The following FOXP2 variants were observed in gnomAD, a reference collection of about 807,000 sequenced individuals.
The protein encoded by FOXP2 is forkhead box protein P2.
A neutral mutation model predicts 115.8 loss-of-function variants in FOXP2; 12 were observed. The observed-to-expected ratio is 0.10, with a 90% CI of 0.07 to 0.17. FOXP2 has a LOEUF of 0.17. Ranked by LOEUF, FOXP2 falls within the 10% of genes least tolerant of loss-of-function variation. The pLI is 1.00. For missense variants in FOXP2, 629 were observed against 843.5 expected (o/e 0.75, Z 3.15); for synonymous variants, 328 against 297.7 (o/e 1.10, Z -1.05).
chr7:114,646,818 C>T (rs562693587), intron 8 of FOXP2, among the ~76,000 whole-genome samples: 115 of 151,732 alleles, frequency 7.6e-4, no homozygotes, highest in African/African-American at 2.6e-3. Context: ...GAATTAACTT[C>T]GGTTATTCAA....
chr7:114,336,836 C>T (rs1797864593), intron 2 of FOXP2, among the ~76,000 whole-genome samples: 1 of 151,350 alleles, frequency 6.6e-6, no homozygotes, highest in South Asian at 2.1e-4. Context: ...TTTCCATGTT[C>T]ACTGTATTTC....
Position 114,510,031 on chromosome 7 carries a change from T to A in FOXP2, c.169-24586T>A, listed in dbSNP as rs142768073. Reference sequence around the variant, plus strand: ...GTACACAGTGATAAGAAAAAGGAAATGTAGATGAGAACTGGGAAAAGACTG... The same window carrying A: ...GTACACAGTGATAAGAAAAAGGAAAAGTAGATGAGAACTGGGAAAAGACTG... On this transcript the variant is annotated intron_variant, in intron 2 of 16. Coordinates refer to ENST00000350908, the MANE Select transcript of FOXP2 (RefSeq NM_014491.4). 4.2e-3 allele frequency among the ~76,000 whole-genome samples: 641 copies of A among 152,120 alleles called. 8 individuals are homozygous for A. Among genetic ancestry groups the A allele is most frequent in the African/African-American group, 0.015 (607 of 41,498 alleles).
chr7:114,339,286 T>G (rs186386256), intron 2 of FOXP2, among the ~76,000 whole-genome samples: 130 of 151,300 alleles, frequency 8.6e-4, no homozygotes, highest in Non-Finnish European at 1.8e-3. Context: ...TATATGATAA[T>G]GTGATAAACT....
At position 114,659,545 on chromosome 7, in the gene FOXP2, G is replaced by A. The variant is rs760240135; in HGVS notation, c.1546-27G>A. ...TCTAGTTAGTAAACCATTATTTTATGTCACTATGTATCTTGTCTCATTTCA... is the reference window on the plus strand; with the variant it reads ...TCTAGTTAGTAAACCATTATTTTATATCACTATGTATCTTGTCTCATTTCA... On this transcript the variant is annotated intron_variant, in intron 12 of 16. Coordinates refer to ENST00000350908, the MANE Select transcript of FOXP2 (RefSeq NM_014491.4). 3 of 1,600,432 alleles carry A rather than the reference G, an allele frequency of 1.9e-6. No homozygotes were observed. The East Asian group carries it at 6.7e-5, about 36-fold the overall frequency.
At chr7:114,503,387 A>G (rs1256688235) in intron 2 of FOXP2, among the ~76,000 whole-genome samples, 1 of 151,808 alleles carries the variant, frequency 6.6e-6, no homozygotes, top group Middle Eastern at 3.4e-3. Flanking sequence ...GACCAGTGCT[A>G]TCTAAGGATG....
chr7:114,550,275 G>C (rs1029586758), intron 3 of FOXP2, among the ~76,000 whole-genome samples: 4 of 151,740 alleles, frequency 2.6e-5, no homozygotes, highest in Non-Finnish European at 5.9e-5. Flanking sequence ...CCTCCACCAC[G>C]CCCGGCTAAT....
chr7:114,607,237 T>C (rs1007817108), intron 3 of FOXP2, among the ~76,000 whole-genome samples: 2 of 152,150 alleles, frequency 1.3e-5, no homozygotes, highest in Non-Finnish European at 2.9e-5. Context: ...CCACCAAACC[T>C]GTCTGTTGGG....
At chr7:114,272,840 G>A (rs1386525803) in intron 1 of FOXP2, among the ~76,000 whole-genome samples, 4 of 151,654 alleles carry the variant, frequency 2.6e-5, no homozygotes, top group African/African-American at 7.3e-5. Flanking sequence ...TTTTTCTATG[G>A]AGTCTGGATA....
chr7:114,124,017 A>G (rs1378987398), intron 1 of FOXP2, among the ~76,000 whole-genome samples: 2 of 152,050 alleles, frequency 1.3e-5, no homozygotes, highest in Non-Finnish European at 2.9e-5. Flanking sequence ...TGATATATCA[A>G]AATATTTTTG....
In FOXP2 at chr7:114,629,895, C is replaced by G; in HGVS notation, c.487C>G (p.Gln163Glu). Residue 163 changes from glutamine (Q) to glutamate (E), a missense_variant, in exon 5 of 17, where the codon CAG becomes GAG. Transcript: ENST00000350908. ...GCAGCAACAGCAGCAGCAGCAACAACAGCAGCAACAACAGCAGCAGCAACA... is the reference window on the plus strand; with the variant it reads ...GCAGCAACAGCAGCAGCAGCAACAAGAGCAGCAACAACAGCAGCAGCAACA... ...QQQQQQQQQQ[Q>E]QQQQQQQQQQ... 1 of 1,611,732 alleles carries G rather than the reference C, an allele frequency of 6.2e-7. No homozygotes were observed. Among genetic ancestry groups the G allele is most frequent in the Non-Finnish European group, 8.5e-7 (1 of 1,179,370 alleles).
At chr7:114,380,118 C>T (rs1792251029) in intron 2 of FOXP2, among the ~76,000 whole-genome samples, 1 of 152,164 alleles carries the variant, frequency 6.6e-6, no homozygotes, top group Non-Finnish European at 1.5e-5. Context: ...TTCTATTTCC[C>T]TTTCCTTTCC....
chr7:114,201,714 T>C (rs1375097493), intron 1 of FOXP2, among the ~76,000 whole-genome samples: 3 of 152,186 alleles, frequency 2.0e-5, no homozygotes, highest in African/African-American at 7.2e-5. Flanking sequence ...CCCTAAATGT[T>C]GAAATCATGT....
chr7:114,637,469 T>G (rs1805283383), intron 6 of FOXP2, among the ~76,000 whole-genome samples: 1 of 152,176 alleles, frequency 6.6e-6, no homozygotes, highest in Non-Finnish European at 1.5e-5. Context: ...CATAATAGTC[T>G]AGTCCACAGA....
chr7:114,261,445 T>C (rs1351889216), intron 1 of FOXP2, among the ~76,000 whole-genome samples: 2 of 152,208 alleles, frequency 1.3e-5, no homozygotes, highest in Admixed American at 1.3e-4. Context: ...ATTTTGATTA[T>C]CTAAGGAAAA....
chr7:114,597,193 G>T (rs917421169), intron 3 of FOXP2, among the ~76,000 whole-genome samples: 1 of 152,070 alleles, frequency 6.6e-6, no homozygotes, highest in African/African-American at 2.4e-5. Flanking sequence ...AAATATAAAA[G>T]GTTAGAGTTA....
chr7:114,415,065 G>A lies in FOXP2; in HGVS notation c.-306G>A, dbSNP rs1488932604. 2 of 454,042 alleles carry A rather than the reference G, an allele frequency of 4.4e-6. No homozygotes were observed. The highest frequency in any genetic ancestry group is 4.0e-5 in the African/African-American group (2 of 49,930). The allele number at this position is 454,042 out of a possible 1,614,324, so 28.1% of individuals were successfully genotyped here. A position where few individuals can be genotyped will look rare whatever the true frequency, so the allele number is the denominator to read the frequency against. On this transcript the variant is annotated 5_prime_UTR_variant, in exon 1 of 17. Coordinates refer to ENST00000350908, the MANE Select transcript of FOXP2 (RefSeq NM_014491.4). ...CCTAGTGATTAAATGCTGATTTTGT[G>A]TACGATTGTCCACGGACGCCAAAAC...
At chr7:114,153,984 C>T (rs2129149224) in intron 1 of FOXP2, among the ~76,000 whole-genome samples, 1 of 152,162 alleles carries the variant, frequency 6.6e-6, no homozygotes, top group East Asian at 1.9e-4. Flanking sequence ...GAGATAAGAC[C>T]AGTGAACAAT....
chr7:114,520,095 A>C (rs891986902), intron 2 of FOXP2, among the ~76,000 whole-genome samples: 2 of 152,176 alleles, frequency 1.3e-5, no homozygotes, highest in Non-Finnish European at 2.9e-5. Flanking sequence ...TCTTTATCAC[A>C]GGATAAGTTA....
At chr7:114,491,959 T>C (rs574905701) in intron 2 of FOXP2, among the ~76,000 whole-genome samples, 2 of 152,350 alleles carry the variant, frequency 1.3e-5, no homozygotes, top group South Asian at 4.1e-4. Flanking sequence ...TCTTTTTCTA[T>C]TGATTGGAAT....
Sources: allele counts gnomAD v4.1 joint callset (sites outside exome capture counted in the v4.1 genomes callset), GRCh38; gene constraint gnomAD v4.1.1; transcripts MANE v1.5; gene names NCBI Gene and HGNC (gene_info 2026-07-23, HGNC 2026-07-21).